Variants in COL25A1 observed in about 807,000 individuals in gnomAD.
COL25A1 encodes collagen type XXV alpha 1 chain.
Under a neutral mutation model 128.4 loss-of-function variants are expected in COL25A1, and 103 were observed. The ratio of observed to expected loss-of-function variants is 0.80; its 90% CI spans 0.68 to 0.94. COL25A1 has a LOEUF of 0.94. Among genes scored for constraint, COL25A1 ranks in the 40% least tolerant of loss-of-function variants. The pLI, the probability that COL25A1 is intolerant of heterozygous loss-of-function variation, is 0.00. For missense variants in COL25A1, 745 were observed against 840.0 expected (o/e 0.89, Z 1.40); for synonymous variants, 279 against 277.2 (o/e 1.01, Z -0.06).
intron 3 of COL25A1, among the ~76,000 whole-genome samples, chr4:109,138,770 A>G (rs557489813): frequency 1.3e-5 from 2 of 151,978 alleles, no homozygotes; most frequent in Non-Finnish European, 2.9e-5. Context: ...GTGCAGTGGC[A>G]CGATCTCAGC....
chr4:109,026,370 C>T (rs1758287959), intron 5 of COL25A1, among the ~76,000 whole-genome samples: 1 of 152,076 alleles, frequency 6.6e-6, no homozygotes, highest in African/African-American at 2.4e-5. Context: ...ACAAGGAGTC[C>T]ATTGCATTTA....
At chr4:108,821,385 G>C (rs1460266380) in intron 35 of COL25A1, among the ~76,000 whole-genome samples, 3 of 152,156 alleles carry the variant, frequency 2.0e-5, no homozygotes, top group Non-Finnish European at 4.4e-5. Context: ...TCAGGAGTAA[G>C]TTGGTCACTC....
At chr4:108,822,917 T>A (rs1207449557) in intron 35 of COL25A1, among the ~76,000 whole-genome samples, 2 of 152,216 alleles carry the variant, frequency 1.3e-5, no homozygotes, top group Non-Finnish European at 2.9e-5. Flanking sequence ...AAAAGACTTA[T>A]CATATGTATA....
At chr4:109,213,531 T>C (rs1028111463) in intron 3 of COL25A1, among the ~76,000 whole-genome samples, 24 of 152,136 alleles carry the variant, frequency 1.6e-4, no homozygotes, top group Non-Finnish European at 2.5e-4. Context: ...GGGAGGACCA[T>C]GTGGGGAGGA....
At chr4:109,244,245 T>C (rs966256273) in intron 3 of COL25A1, among the ~76,000 whole-genome samples, 4 of 151,770 alleles carry the variant, frequency 2.6e-5, no homozygotes, top group African/African-American at 4.8e-5. Context: ...TCATGCACAA[T>C]AGAAAAACAG....
At position 108,825,810 on chromosome 4, in the gene COL25A1, G is replaced by C. The variant is rs146623396; in HGVS notation, c.1765-588C>G. The stretch of plus-strand genomic sequence containing the variant: ...CACACTGTGTACGAAGGATGTGAAG[G>C]CTGCAACTTAAAAGCTGTTTTTAAG... On this transcript the variant is annotated intron_variant, in intron 33 of 37. Coordinates refer to ENST00000399132, the MANE Select transcript of COL25A1 (RefSeq NM_198721.4). 1.6e-4 allele frequency among the ~76,000 whole-genome samples: 25 copies of C among 152,292 alleles called. No individual in the cohort carries two copies. The South Asian group carries it at 3.1e-3, about 19-fold the overall frequency.
chr4:109,022,664 A>G (rs1156733862), intron 5 of COL25A1, among the ~76,000 whole-genome samples: 1 of 152,204 alleles, frequency 6.6e-6, no homozygotes, highest in Non-Finnish European at 1.5e-5. Flanking sequence ...AAGTCCTGAT[A>G]TTGAAGGTAA....
intron 12 of COL25A1, among the ~76,000 whole-genome samples, chr4:108,919,493 C>T (rs780088483): frequency 6.6e-6 from 1 of 152,120 alleles, no homozygotes; most frequent in Non-Finnish European, 1.5e-5. Flanking sequence ...ATGCCACATG[C>T]CCAGTGCTTG....
chr4:109,030,734 T>G (rs968461180), intron 5 of COL25A1, among the ~76,000 whole-genome samples: 2 of 151,614 alleles, frequency 1.3e-5, no homozygotes, highest in Admixed American at 1.3e-4. Flanking sequence ...TTAAAAATTT[T>G]TAAAAGGGTA....
intron 3 of COL25A1, among the ~76,000 whole-genome samples, chr4:109,203,054 G>A (rs983987116): frequency 5.9e-5 from 9 of 152,108 alleles, no homozygotes; most frequent in African/African-American, 1.9e-4. Flanking sequence ...ACTAGAGGAT[G>A]TTGTAGATGG....
chr4:109,236,112 T>C (rs1176138585), intron 3 of COL25A1, among the ~76,000 whole-genome samples: 2 of 152,060 alleles, frequency 1.3e-5, no homozygotes, highest in Admixed American at 1.3e-4. Context: ...TGTAAAATAA[T>C]AACAGCTCAA....
intron 3 of COL25A1, among the ~76,000 whole-genome samples, chr4:109,226,028 C>CAA (rs1778780411): frequency 6.9e-6 from 1 of 145,716 alleles, no homozygotes; most frequent in African/African-American, 2.5e-5. Flanking sequence ...CACACACACA[C>CAA]AACGGAATAC....
rs188509657 is a variant in COL25A1, at chr4:108,911,414, T to C, written c.780+6758A>G. The stretch of plus-strand genomic sequence containing the variant: ...GGAGCCCTGTGCTTTTCTGTTATAA[T>C]ACTTCGCAATACTCTATAGATTTTT... On this transcript the variant is annotated intron_variant, in intron 13 of 37. Coordinates refer to ENST00000399132, the MANE Select transcript of COL25A1 (RefSeq NM_198721.4). Among the ~76,000 whole-genome samples the C allele has an allele frequency of 5.8e-3, 819 of 140,208 alleles. 9 individuals carry two copies. Among genetic ancestry groups the C allele is most frequent in the Non-Finnish European group, 8.2e-3 (529 of 64,136 alleles). 92.0% of individuals were successfully genotyped at this position (140,208 alleles called of 152,430 possible). A position where few individuals can be genotyped will look rare whatever the true frequency, so the allele number is the denominator to read the frequency against.
At chr4:109,012,263 A>G (rs1385502248) in intron 5 of COL25A1, among the ~76,000 whole-genome samples, 3 of 152,258 alleles carry the variant, frequency 2.0e-5, no homozygotes, top group Non-Finnish European at 4.4e-5. Flanking sequence ...ACTTATATGT[A>G]ACTATGGATC....
At chr4:108,969,592 T>A (rs1467358813) in intron 8 of COL25A1, among the ~76,000 whole-genome samples, 1 of 152,290 alleles carries the variant, frequency 6.6e-6, no homozygotes, top group African/African-American at 2.4e-5. Context: ...CACTTTGGAA[T>A]CTCTTTCTTG....
At chr4:109,182,485 G>A (rs1195196129) in intron 3 of COL25A1, among the ~76,000 whole-genome samples, 1 of 152,044 alleles carries the variant, frequency 6.6e-6, no homozygotes, top group Non-Finnish European at 1.5e-5. Flanking sequence ...ATTTGAATAA[G>A]ATATCCTTCA....
At chr4:108,914,945 T>C (rs1375383183) in intron 13 of COL25A1, among the ~76,000 whole-genome samples, 1 of 152,232 alleles carries the variant, frequency 6.6e-6, no homozygotes, top group East Asian at 1.9e-4. Flanking sequence ...CTCTATATTG[T>C]ACACTGGAAC....
intron 13 of COL25A1, among the ~76,000 whole-genome samples, chr4:108,916,113 T>C (rs1744844474): frequency 6.6e-6 from 1 of 152,190 alleles, no homozygotes; most frequent in Non-Finnish European, 1.5e-5. Context: ...ATAGCAAATA[T>C]TACAAATGTT....
At chr4:108,819,139 G>A in intron 36 of COL25A1, 113 bp downstream of exon 36, 1 of 708,602 alleles carries the variant, frequency 1.4e-6, no homozygotes, top group Non-Finnish European at 2.3e-6. Context: ...CATGCATGTA[G>A]TGTGTTTATC....
Sources: allele counts gnomAD v4.1 joint callset (sites outside exome capture counted in the v4.1 genomes callset), GRCh38; gene constraint gnomAD v4.1.1; transcripts MANE v1.5; gene names NCBI Gene and HGNC (gene_info 2026-07-23, HGNC 2026-07-21).